The following IGF2BP3 variants were observed in gnomAD, a reference collection of about 807,000 sequenced individuals.
The protein encoded by IGF2BP3 is insulin-like growth factor 2 mRNA-binding protein 3.
In IGF2BP3, 9 loss-of-function variants were observed where a neutral mutation model predicts 73.8. The ratio of observed to expected loss-of-function variants is 0.12; its 90% CI spans 0.07 to 0.21. The LOEUF is 0.21. Ranked by LOEUF, IGF2BP3 falls within the 10% of genes least tolerant of loss-of-function variation. The pLI is 1.00. For missense variants in IGF2BP3, 542 were observed against 714.0 expected (o/e 0.76, Z 2.75); for synonymous variants, 258 against 256.7 (o/e 1.01, Z -0.05).
chr7:23,314,040 G>A (rs1783906124), intron 12 of IGF2BP3, among the ~76,000 whole-genome samples: 1 of 152,130 alleles, frequency 6.6e-6, no homozygotes, highest in African/African-American at 2.4e-5. Context: ...CTTTTTGTTG[G>A]AGTCAGGGTC....
At chr7:23,341,768 AAAAAG>A (rs915222206) in intron 10 of IGF2BP3, among the ~76,000 whole-genome samples, 1 of 152,024 alleles carries the variant, frequency 6.6e-6, no homozygotes, top group African/African-American at 2.4e-5. Flanking sequence ...AAAAAAAAGA[AAAAAG>A]AAAAAAGAAA....
chr7:23,451,186 G>A (rs1219566927), intron 2 of IGF2BP3, among the ~76,000 whole-genome samples: 2 of 152,218 alleles, frequency 1.3e-5, no homozygotes, highest in African/African-American at 4.8e-5. Flanking sequence ...GGGAGGCTGA[G>A]GTGGGCGGAT....
intron 7 of IGF2BP3, 70 bp from the exon 8 acceptor site, chr7:23,346,132 C>T (rs1199609837): frequency 1.3e-6 from 2 of 1,513,292 alleles, no homozygotes; most frequent in East Asian, 2.3e-5. Flanking sequence ...ACAATATTCA[C>T]TCATTAAACA....
At chr7:23,336,976 T>C (rs1383963208) in intron 10 of IGF2BP3, among the ~76,000 whole-genome samples, 1 of 151,572 alleles carries the variant, frequency 6.6e-6, no homozygotes, top group South Asian at 2.1e-4. Context: ...GAAGCAATGA[T>C]AAGCAAAGAA....
chr7:23,314,753 G>T (rs1209015017), intron 12 of IGF2BP3, among the ~76,000 whole-genome samples: 3 of 152,148 alleles, frequency 2.0e-5, no homozygotes, highest in African/African-American at 7.2e-5. Context: ...TTAGAAAGGT[G>T]GTTTTTCCTT....
At chr7:23,442,247 A>G (rs1787954225) in intron 2 of IGF2BP3, among the ~76,000 whole-genome samples, 2 of 152,254 alleles carry the variant, frequency 1.3e-5, no homozygotes, top group Admixed American at 6.5e-5. Context: ...ATAAGTTGAA[A>G]GAAAATGAAA....
chr7:23,344,437 C>T (rs1784784589), intron 8 of IGF2BP3, among the ~76,000 whole-genome samples: 2 of 152,292 alleles, frequency 1.3e-5, no homozygotes, highest in East Asian at 1.9e-4. Context: ...GAATATCAAT[C>T]CATCTTGACT....
At chr7:23,414,214 T>C (rs1787118595) in intron 3 of IGF2BP3, 1 of 152,114 alleles carries the variant, frequency 6.6e-6, no homozygotes, top group African/African-American at 2.4e-5. Flanking sequence ...CAGAATCCAG[T>C]GCCCACCCAT....
chr7:23,367,213 A>AGT (rs1193860174), intron 3 of IGF2BP3, among the ~76,000 whole-genome samples: 2 of 152,128 alleles, frequency 1.3e-5, no homozygotes, highest in African/African-American at 4.8e-5. Context: ...CCTGAGCTCA[A>AGT]GTGATCTGCC....
intron 2 of IGF2BP3, among the ~76,000 whole-genome samples, chr7:23,438,464 T>C (rs1180671952): frequency 1.3e-5 from 2 of 152,046 alleles, no homozygotes; most frequent in East Asian, 1.9e-4. Flanking sequence ...CACATCAACA[T>C]AGATCATTTC....
At chr7:23,427,490 A>G (rs1787545909) in intron 2 of IGF2BP3, among the ~76,000 whole-genome samples, 1 of 152,220 alleles carries the variant, frequency 6.6e-6, no homozygotes, top group South Asian at 2.1e-4. Flanking sequence ...TCACATCTGT[A>G]ATCCCAGCAC....
intron 2 of IGF2BP3, among the ~76,000 whole-genome samples, chr7:23,428,694 G>A (rs1471325537): frequency 6.7e-6 from 1 of 149,202 alleles, no homozygotes; most frequent in African/African-American, 2.5e-5. Flanking sequence ...CAGCAACAGA[G>A]CAAGCCTCTT....
At chr7:23,351,645 T>C (rs1272518146) in intron 5 of IGF2BP3, 59 bp from the exon 6 acceptor site, 2 of 1,572,694 alleles carry the variant, frequency 1.3e-6, no homozygotes, top group African/African-American at 2.7e-5. Flanking sequence ...ACACATCTTT[T>C]AGCAAAGCAA....
chr7:23,451,675 A>G (rs953346537), intron 2 of IGF2BP3, among the ~76,000 whole-genome samples: 2 of 152,030 alleles, frequency 1.3e-5, no homozygotes, highest in African/African-American at 4.8e-5. Flanking sequence ...AGGGCTGGGC[A>G]CGGTGGCTCA....
Position 23,331,641 on chromosome 7 carries a change from C to G in IGF2BP3, c.1203+10423G>C, listed in dbSNP as rs555363034. Among the ~76,000 whole-genome samples the G allele has an allele frequency of 2.6e-4, 40 of 152,098 alleles. 1 individual carries two copies. The highest frequency in any genetic ancestry group is 2.4e-3 in the Admixed American group (37 of 15,268). On this transcript the variant is annotated intron_variant, in intron 10 of 14. Transcript: ENST00000258729. ...TTGGAAGGCCAAGGTGGGTGGATCA[C>G]CTGAGGTCAGGAGTTCGAGACCAAC...
intron 2 of IGF2BP3, among the ~76,000 whole-genome samples, chr7:23,434,900 G>GTCAC (rs1327817715): frequency 6.6e-6 from 1 of 152,060 alleles, no homozygotes; most frequent in Non-Finnish European, 1.5e-5. Context: ...TTTGAACTCA[G>GTCAC]TCACATTAAT....
intron 3 of IGF2BP3, among the ~76,000 whole-genome samples, chr7:23,410,070 G>A (rs574512970): frequency 6.6e-6 from 1 of 152,274 alleles, no homozygotes; most frequent in East Asian, 1.9e-4. Context: ...TCAGGAGGCT[G>A]AGACACGAGA....
chr7:23,395,437 A>T (rs1416904905), intron 3 of IGF2BP3, among the ~76,000 whole-genome samples: 3 of 152,180 alleles, frequency 2.0e-5, no homozygotes, highest in Non-Finnish European at 4.4e-5. Flanking sequence ...AACATTTGTA[A>T]GAACTTCAGT....
intron 3 of IGF2BP3, chr7:23,394,532 A>G (rs1441667883): frequency 6.6e-6 from 1 of 152,252 alleles, no homozygotes; most frequent in Non-Finnish European, 1.5e-5. Context: ...AGGAAAAATT[A>G]AGACTGAAAA....
Sources: allele counts gnomAD v4.1 joint callset (sites outside exome capture counted in the v4.1 genomes callset), GRCh38; gene constraint gnomAD v4.1.1; transcripts MANE v1.5; gene names NCBI Gene and HGNC (gene_info 2026-07-23, HGNC 2026-07-21).